ARID5B: variants seen among roughly 807,000 people sequenced by gnomAD.
ARID5B encodes the protein AT-rich interactive domain-containing protein 5B.
ARID5B carries 13 observed loss-of-function variants against 97.2 expected under a neutral mutation model. That is an observed-to-expected ratio of 0.13 (90% CI 0.09 to 0.21). The LOEUF (loss-of-function observed/expected upper bound fraction) is 0.21. Ranked by LOEUF, ARID5B falls within the 10% of genes least tolerant of loss-of-function variation. ARID5B has a pLI of 1.00. For synonymous variants in ARID5B, 556 were observed against 570.3 expected (o/e 0.97, Z 0.36); for missense variants, 1,210 against 1,465.3 (o/e 0.83, Z 2.84).
chr10:61,966,696 G>A lies in ARID5B; in HGVS notation c.502+26288G>A, dbSNP rs148658991. Among the ~76,000 whole-genome samples the A allele has an allele frequency of 3.7e-3, 564 of 152,218 alleles. 2 individuals are homozygous for A. The highest frequency in any genetic ancestry group is 0.013 in the African/African-American group (533 of 41,546). Reference sequence around the variant, plus strand: ...AAGTCCTTCAGATACTTTAAAAGCAGTAATCTGTTGCTTTCAAGAGCTCCT... The same window carrying A: ...AAGTCCTTCAGATACTTTAAAAGCAATAATCTGTTGCTTTCAAGAGCTCCT... On this transcript the variant is annotated intron_variant, in intron 3 of 9. Transcript: ENST00000279873.
At chr10:62,011,465 C>T (rs1236098498) in intron 4 of ARID5B, among the ~76,000 whole-genome samples, 1 of 151,966 alleles carries the variant, frequency 6.6e-6, no homozygotes, top group African/African-American at 2.4e-5. Flanking sequence ...AGGACTAGAA[C>T]AAACCCAGGG....
chr10:61,937,597 C>A (rs535600382), intron 2 of ARID5B, among the ~76,000 whole-genome samples: 1 of 152,150 alleles, frequency 6.6e-6, no homozygotes, highest in South Asian at 2.1e-4. Context: ...AAGTGTATTT[C>A]TTTGTGTTCC....
chr10:62,039,489 G>A (rs1246693530), intron 4 of ARID5B, among the ~76,000 whole-genome samples: 2 of 152,136 alleles, frequency 1.3e-5, no homozygotes, highest in Non-Finnish European at 1.5e-5. Flanking sequence ...TACCATGTGT[G>A]TGCAGCCTTT....
intron 2 of ARID5B, among the ~76,000 whole-genome samples, chr10:61,938,877 A>T (rs1844349166): frequency 1.6e-5 from 2 of 124,320 alleles, no homozygotes; most frequent in South Asian, 4.9e-4. Context: ...CTACCTTAAA[A>T]CATCAGAAAA....
At chr10:61,994,625 C>T (rs1279147250) in intron 3 of ARID5B, among the ~76,000 whole-genome samples, 1 of 152,166 alleles carries the variant, frequency 6.6e-6, no homozygotes, top group Admixed American at 6.5e-5. Flanking sequence ...CTTCCCCACC[C>T]CCAGCCCAAC....
chr10:61,954,360 AAAAT>A (rs969632248), intron 3 of ARID5B, among the ~76,000 whole-genome samples: 1 of 151,960 alleles, frequency 6.6e-6, no homozygotes, highest in Admixed American at 6.6e-5. Context: ...TGCATCTCAA[AAAAT>A]AAATAAATAA....
chr10:62,008,542 A>G (rs1839176187), intron 4 of ARID5B, among the ~76,000 whole-genome samples: 1 of 152,240 alleles, frequency 6.6e-6, no homozygotes, highest in African/African-American at 2.4e-5. Flanking sequence ...AGGAATAATC[A>G]CAAGCATTCA....
At chr10:62,028,146 T>G (rs1485706301) in intron 4 of ARID5B, among the ~76,000 whole-genome samples, 1 of 152,228 alleles carries the variant, frequency 6.6e-6, no homozygotes, top group Non-Finnish European at 1.5e-5. Context: ...ACAATGCTAT[T>G]TGGTGCCCAA....
At chr10:62,021,722 T>A (rs12268598) in intron 4 of ARID5B, among the ~76,000 whole-genome samples, 9 of 152,186 alleles carry the variant, frequency 5.9e-5, no homozygotes, top group Admixed American at 5.9e-4. Context: ...ATAAAGAAGT[T>A]AATTTATTTC....
chr10:61,984,651 G>T (rs1008392107), intron 3 of ARID5B, among the ~76,000 whole-genome samples: 1 of 152,208 alleles, frequency 6.6e-6, no homozygotes, highest in African/African-American at 2.4e-5. Flanking sequence ...ACTCTTGCTG[G>T]AATGGAGAGT....
At chr10:62,082,601 T>C (rs1385780016) in intron 8 of ARID5B, among the ~76,000 whole-genome samples, 1 of 152,240 alleles carries the variant, frequency 6.6e-6, no homozygotes, top group African/African-American at 2.4e-5. Flanking sequence ...TTTTACTAAA[T>C]TCTTTATATA....
chr10:62,035,464 G>A (rs1462573362), intron 4 of ARID5B, among the ~76,000 whole-genome samples: 2 of 152,184 alleles, frequency 1.3e-5, no homozygotes, highest in Non-Finnish European at 2.9e-5. Flanking sequence ...CAGGATCAAA[G>A]CATGCTTGTT....
chr10:61,976,085 T>C (rs1589242305), intron 3 of ARID5B, among the ~76,000 whole-genome samples: 1 of 152,226 alleles, frequency 6.6e-6, no homozygotes, highest in South Asian at 2.1e-4. Context: ...TCTTTGCCTT[T>C]ATAAATGTCC....
At chr10:61,986,894 C>A (rs1339910256) in intron 3 of ARID5B, among the ~76,000 whole-genome samples, 1 of 152,144 alleles carries the variant, frequency 6.6e-6, no homozygotes. Context: ...CCCAGGAAGT[C>A]ACTGTTCTTA....
At chr10:61,951,186 A>G (rs1388502254) in intron 3 of ARID5B, among the ~76,000 whole-genome samples, 1 of 152,230 alleles carries the variant, frequency 6.6e-6, no homozygotes, top group Non-Finnish European at 1.5e-5. Flanking sequence ...ATTTTAATAA[A>G]TGTATTTATT....
chr10:62,000,643 T>A lies in ARID5B; in HGVS notation c.733+322T>A, dbSNP rs1839065608. Among the ~76,000 whole-genome samples the A allele has an allele frequency of 6.6e-6, 1 of 152,228 alleles. No individual in the cohort carries two copies. The highest frequency in any genetic ancestry group is 2.4e-5 in the African/African-American group (1 of 41,454). On this transcript the variant is annotated intron_variant, in intron 4 of 9. Transcript: ENST00000279873. The surrounding 1 kb of genome is among the most constrained non-coding windows in gnomAD (Gnocchi z 4.4). ...TCTCAAAAGGCTTTGTCTATTCAAATGCTTTTTTATTTAACTAGTCACTCT... is the reference window on the plus strand; with the variant it reads ...TCTCAAAAGGCTTTGTCTATTCAAAAGCTTTTTTATTTAACTAGTCACTCT...
rs1840438484 is a variant in ARID5B, at chr10:62,094,638, C to T, written c.*1608C>T. On this transcript the variant is annotated 3_prime_UTR_variant, in exon 10 of 10. Coordinates refer to ENST00000279873, the MANE Select transcript of ARID5B (RefSeq NM_032199.3). The stretch of plus-strand genomic sequence containing the variant: ...CATTCTTGCCACTGTATTCCATTTG[C>T]TACCGAGATATAACATTAAGGTGGA... 1 of 230,704 alleles carries T rather than the reference C, an allele frequency of 4.3e-6. No individual in the cohort carries two copies. The highest frequency in any genetic ancestry group is 8.6e-6 in the Non-Finnish European group (1 of 116,516). 14.3% of individuals were successfully genotyped at this position (230,704 alleles called of 1,614,324 possible).
rs10994967 is a variant in ARID5B at position 61,927,830 on chromosome 10, A to G, written c.277-12353A>G. ...AAAATAAAGGATATTATAATACCGC[A>G]TGAAAGAAACGAGAAGGGATAAAAG... On this transcript the variant is annotated intron_variant, in intron 2 of 9. Transcript: ENST00000279873. Among the ~76,000 whole-genome samples the G allele has an allele frequency of 2.7e-3, 411 of 152,326 alleles. 2 individuals are homozygous for G. The highest frequency in any genetic ancestry group is 9.4e-3 in the African/African-American group (390 of 41,572).
intron 7 of ARID5B, among the ~76,000 whole-genome samples, chr10:62,067,754 T>C (rs774689166): frequency 2.0e-5 from 3 of 152,252 alleles, no homozygotes; most frequent in Non-Finnish European, 4.4e-5. Context: ...CTGTGTGTCA[T>C]TGGGCAAGTG....
Sources: allele counts gnomAD v4.1 joint callset (sites outside exome capture counted in the v4.1 genomes callset), GRCh38; gene constraint gnomAD v4.1.1; non-coding constraint Gnocchi (gnomAD v3.1); transcripts MANE v1.5; gene names NCBI Gene and HGNC (gene_info 2026-07-23, HGNC 2026-07-21).